FAM171A1: variants seen among roughly 807,000 people sequenced by gnomAD.
The protein encoded by FAM171A1 is protein FAM171A1.
FAM171A1 carries 23 observed loss-of-function variants against 74.9 expected under a neutral mutation model. The observed-to-expected ratio is 0.31, with a 90% CI of 0.22 to 0.44. FAM171A1 has a LOEUF of 0.44. Among genes scored for constraint, FAM171A1 ranks in the 20% least tolerant of loss-of-function variants. The pLI, the probability that FAM171A1 is intolerant of heterozygous loss-of-function variation, is 1.00. For synonymous variants in FAM171A1, 527 were observed against 505.7 expected, an observed-to-expected ratio of 1.04 and a Z score of -0.57; for missense variants, 1,162 against 1,159.2, an observed-to-expected ratio of 1.00 and a Z score of -0.03.
At chr10:15,328,889 C>T (rs1260403673) in intron 1 of FAM171A1, among the ~76,000 whole-genome samples, 1 of 152,164 alleles carries the variant, frequency 6.6e-6, no homozygotes, top group African/African-American at 2.4e-5. Flanking sequence ...TCGGGTCCCT[C>T]ATTGGGCTTC....
Position 15,284,005 on chromosome 10 carries a change from G to A in FAM171A1, c.198C>T (p.Gly66=). Reference sequence around the variant, plus strand: ...AGGCGACGCCATCAGTCCCCGAGGTGCCAGAGGCTATGGAGGCCTGGTTGG... The same window carrying A: ...AGGCGACGCCATCAGTCCCCGAGGTACCAGAGGCTATGGAGGCCTGGTTGG... ...IFTNQASIAS[G]TSGTDGVAFI... is the part of the protein sequence containing the mutation. Residue 66 remains glycine, a synonymous_variant, in exon 2 of 8, where the codon GGC becomes GGT. Coordinates refer to ENST00000378116, the MANE Select transcript of FAM171A1 (RefSeq NM_001010924.2). 1 of 1,614,168 alleles carries A rather than the reference G, an allele frequency of 6.2e-7. No homozygotes were observed. The highest frequency in any genetic ancestry group is 8.5e-7 in the Non-Finnish European group (1 of 1,180,014).
rs766573146 is a variant in FAM171A1, at chr10:15,214,023, G to T, written c.1565C>A (p.Ala522Glu). 6.8e-6 allele frequency: 11 copies of T among 1,614,074 alleles called. No homozygotes were observed. The highest frequency in any genetic ancestry group is 5.0e-5 in the Admixed American group (3 of 60,006). ...CTGTTCTTTCTCAGGTGATGAAGGC[G>T]CGGGGTACAGATGTTCCTGAATGGT... ...KLTIQEHLYP[A>E]PSSPEKEQLL... The change falls in exon 8 of 8, where the codon GCG becomes GAG. Residue 522 changes from alanine (A) to glutamate (E), a missense_variant. Physicochemically the swap from Ala to Glu is moderately radical, Grantham distance 107 (BLOSUM62 -1). Coordinates refer to ENST00000378116, the MANE Select transcript of FAM171A1 (RefSeq NM_001010924.2).
At chr10:15,268,908 G>T (rs920928822) in intron 3 of FAM171A1, among the ~76,000 whole-genome samples, 1 of 152,120 alleles carries the variant, frequency 6.6e-6, no homozygotes, top group Non-Finnish European at 1.5e-5. Flanking sequence ...CAGGTGTGGT[G>T]GTGCTTGCCT....
chr10:15,344,459 G>A (rs986699654), intron 1 of FAM171A1, among the ~76,000 whole-genome samples: 1 of 152,154 alleles, frequency 6.6e-6, no homozygotes, highest in Non-Finnish European at 1.5e-5. Flanking sequence ...CGAGGTGGGA[G>A]GATCGCTTGA....
At chr10:15,349,969 A>G (rs1835859090) in intron 1 of FAM171A1, among the ~76,000 whole-genome samples, 2 of 152,130 alleles carry the variant, frequency 1.3e-5, no homozygotes, top group South Asian at 4.1e-4. Context: ...ATGTTGGAAT[A>G]TCTGGTTGAA....
At chr10:15,282,785 C>T (rs922906078) in intron 2 of FAM171A1, among the ~76,000 whole-genome samples, 12 of 152,182 alleles carry the variant, frequency 7.9e-5, no homozygotes, top group Non-Finnish European at 1.6e-4. Context: ...CATCTCAGCT[C>T]ACTGCAGACT....
At chr10:15,267,907 G>T (rs1425094740) in intron 3 of FAM171A1, among the ~76,000 whole-genome samples, 1 of 151,966 alleles carries the variant, frequency 6.6e-6, no homozygotes, top group African/African-American at 2.4e-5. Flanking sequence ...CCCCAAGAGT[G>T]AGGGACAGTA....
At chr10:15,331,726 T>C (rs1174034015) in intron 1 of FAM171A1, among the ~76,000 whole-genome samples, 4 of 151,160 alleles carry the variant, frequency 2.6e-5, no homozygotes, top group African/African-American at 9.7e-5. Context: ...GGACTGATGT[T>C]TTATATATAT....
chr10:15,281,000 G>A (rs775826855), intron 2 of FAM171A1, among the ~76,000 whole-genome samples: 7 of 152,214 alleles, frequency 4.6e-5, no homozygotes, highest in African/African-American at 1.7e-4. Flanking sequence ...CCTGATGGGA[G>A]GTGATTGGAT....
intron 5 of FAM171A1, among the ~76,000 whole-genome samples, chr10:15,231,054 G>T (rs1432950272): frequency 2.0e-5 from 3 of 152,218 alleles, no homozygotes; most frequent in Non-Finnish European, 4.4e-5. Flanking sequence ...CAGATAATTT[G>T]CAGAGAATAA....
intron 3 of FAM171A1, among the ~76,000 whole-genome samples, chr10:15,259,387 T>C (rs1226697229): frequency 2.0e-5 from 3 of 152,132 alleles, no homozygotes; most frequent in Non-Finnish European, 2.9e-5. Context: ...ACTCTAATCA[T>C]GTCCTTTCCC....
In FAM171A1 at chr10:15,247,210, G is replaced by T. The variant is rs182864336; in HGVS notation, c.754+1429C>A. ...TGGACTTATTAAAATTGACATGGCA[G>T]AATAATGATGCTATGGAAAGATGTT... On this transcript the variant is annotated intron_variant, in intron 5 of 7. Coordinates refer to ENST00000378116, the MANE Select transcript of FAM171A1 (RefSeq NM_001010924.2). Among the ~76,000 whole-genome samples, 221 of 152,314 alleles carry T rather than the reference G, an allele frequency of 1.5e-3. 1 individual carries two copies. Among genetic ancestry groups the T allele is most frequent in the African/African-American group, 5.2e-3 (217 of 41,576 alleles).
chr10:15,226,241 C>A (rs1048628876), intron 5 of FAM171A1, among the ~76,000 whole-genome samples: 2 of 152,226 alleles, frequency 1.3e-5, no homozygotes. Context: ...TAGGAGGTGG[C>A]TGGACAATGA....
At chr10:15,262,259 A>G (rs1026389272) in intron 3 of FAM171A1, among the ~76,000 whole-genome samples, 19 of 152,208 alleles carry the variant, frequency 1.2e-4, no homozygotes, top group Non-Finnish European at 1.5e-4. Context: ...GCAGAGTCTG[A>G]TGTCAGAGCG....
At chr10:15,255,643 C>A (rs1834570028) in intron 3 of FAM171A1, among the ~76,000 whole-genome samples, 1 of 145,848 alleles carries the variant, frequency 6.9e-6, no homozygotes, top group Admixed American at 6.9e-5. Flanking sequence ...TTTTCTTTTT[C>A]TTTTCTTCTT....
At chr10:15,339,912 G>A (rs185773816) in intron 1 of FAM171A1, among the ~76,000 whole-genome samples, 1 of 152,304 alleles carries the variant, frequency 6.6e-6, no homozygotes, top group East Asian at 1.9e-4. Flanking sequence ...AAGAGAGAAT[G>A]AGAGCTGAGC....
intron 1 of FAM171A1, among the ~76,000 whole-genome samples, chr10:15,346,396 C>G (rs377689305): frequency 6.6e-6 from 1 of 152,180 alleles, no homozygotes; most frequent in African/African-American, 2.4e-5. Context: ...TACGCCCAGC[C>G]CACAGGCATG....
chr10:15,337,919 C>T (rs1019996428), intron 1 of FAM171A1, among the ~76,000 whole-genome samples: 3 of 152,110 alleles, frequency 2.0e-5, no homozygotes, highest in African/African-American at 7.2e-5. Flanking sequence ...CCACTGTACT[C>T]CAGCCTGGGT....
chr10:15,299,626 T>A (rs1835204375), intron 1 of FAM171A1, among the ~76,000 whole-genome samples: 1 of 152,010 alleles, frequency 6.6e-6, no homozygotes, highest in South Asian at 2.1e-4. Context: ...AAGAGACCAG[T>A]TAGAAAGTGC....
Sources: allele counts gnomAD v4.1 joint callset (sites outside exome capture counted in the v4.1 genomes callset), GRCh38; gene constraint gnomAD v4.1.1; transcripts MANE v1.5; gene names NCBI Gene and HGNC (gene_info 2026-07-23, HGNC 2026-07-21).